Variants in EPB41L4B observed in about 807,000 individuals in gnomAD.
EPB41L4B encodes band 4.1-like protein 4B.
EPB41L4B carries 30 observed loss-of-function variants against 112.5 expected under a neutral mutation model. That is an observed-to-expected ratio of 0.27 (90% CI 0.20 to 0.36). The LOEUF (loss-of-function observed/expected upper bound fraction) is 0.36, where lower values mean the gene tolerates loss of function less well. Among genes scored for constraint, EPB41L4B ranks in the 10% least tolerant of loss-of-function variants. EPB41L4B has a pLI of 1.00. For missense variants in EPB41L4B, 1,024 were observed against 1,133.3 expected (o/e 0.90, Z 1.38); for synonymous variants, 408 against 439.7 (o/e 0.93, Z 0.90).
At chr9:109,293,892 G>C (rs1386267500) in intron 1 of EPB41L4B, among the ~76,000 whole-genome samples, 1 of 152,084 alleles carries the variant, frequency 6.6e-6, no homozygotes, top group East Asian at 1.9e-4. Context: ...GAACTTAAGA[G>C]ACATATCTAC....
At chr9:109,179,487 G>C (rs1483281258) in intron 24 of EPB41L4B, among the ~76,000 whole-genome samples, 2 of 152,168 alleles carry the variant, frequency 1.3e-5, no homozygotes, top group Non-Finnish European at 2.9e-5. Flanking sequence ...CCATCTACCT[G>C]TCACTGCCTC....
chr9:109,241,258 C>A, intron 15 of EPB41L4B: 2 of 995,166 alleles, frequency 2.0e-6, no homozygotes, highest in Non-Finnish European at 2.4e-6. Context: ...CCAGGCCACA[C>A]TAGGGAAACT....
At chr9:109,189,690 G>A (rs1250089655) in intron 22 of EPB41L4B, among the ~76,000 whole-genome samples, 1 of 151,524 alleles carries the variant, frequency 6.6e-6, no homozygotes, top group Non-Finnish European at 1.5e-5. Context: ...ATGCAATGGC[G>A]CGATCTCGGC....
intron 15 of EPB41L4B, among the ~76,000 whole-genome samples, chr9:109,225,522 G>C (rs750379952): frequency 2.8e-4 from 42 of 152,270 alleles, no homozygotes; most frequent in Middle Eastern, 3.4e-3. Flanking sequence ...TAAAACCATC[G>C]AATCTCATGA....
chr9:109,182,688 C>A (rs1832109037), intron 24 of EPB41L4B, 41 bp downstream of exon 24: 1 of 1,480,082 alleles, frequency 6.8e-7, no homozygotes, highest in South Asian at 1.1e-5. Context: ...CGCATGGGAA[C>A]AAGGGTTTAA....
chr9:109,309,989 G>C (rs1433654653), intron 1 of EPB41L4B, among the ~76,000 whole-genome samples: 3 of 152,078 alleles, frequency 2.0e-5, no homozygotes, highest in Admixed American at 6.6e-5. Context: ...AAAGGGCCCC[G>C]CCCACTCTTC....
At position 109,244,434 on chromosome 9, in the gene EPB41L4B, CT is replaced by C. The variant is rs573807379; in HGVS notation, c.1345-753del. ...GAGAAGGAAGGAGGTTGAAGGTTGT[CT>C]TTTTTTTTTTTTTTTTTTTTTTTTT... On this transcript the variant is annotated intron_variant, in intron 14 of 25. Coordinates refer to ENST00000374566, the MANE Select transcript of EPB41L4B (RefSeq NM_019114.5). Among the ~76,000 whole-genome samples, 185 of 48,504 alleles carry C rather than the reference CT, an allele frequency of 3.8e-3. 2 individuals carry two copies. The highest frequency in any genetic ancestry group is 4.7e-3 in the Non-Finnish European group (141 of 29,920). 31.8% of individuals were successfully genotyped at this position (48,504 alleles called of 152,430 possible).
At chr9:109,197,830 A>AC (rs1006644152) in intron 20 of EPB41L4B, among the ~76,000 whole-genome samples, 6 of 151,676 alleles carry the variant, frequency 4.0e-5, no homozygotes, top group South Asian at 2.1e-4. Context: ...AAAAAAAAAA[A>AC]AAAACAAAAA....
chr9:109,259,799 G>C (rs1471294211), intron 6 of EPB41L4B, among the ~76,000 whole-genome samples: 1 of 152,162 alleles, frequency 6.6e-6, no homozygotes, highest in African/African-American at 2.4e-5. Context: ...CAGCCTCCCT[G>C]CAGGGCCACT....
intron 20 of EPB41L4B, among the ~76,000 whole-genome samples, chr9:109,199,497 C>T (rs761113146): frequency 5.9e-5 from 9 of 151,918 alleles, no homozygotes; most frequent in South Asian, 2.1e-4. Flanking sequence ...GGTGAAACCC[C>T]GTCTCTACCA....
At chr9:109,220,783 G>A (rs1833546868) in intron 15 of EPB41L4B, among the ~76,000 whole-genome samples, 1 of 150,416 alleles carries the variant, frequency 6.6e-6, no homozygotes, top group Non-Finnish European at 1.5e-5. Flanking sequence ...GTGAGCATAT[G>A]TGTGTGTGCG....
At chr9:109,316,655 T>C (rs140640490) in intron 1 of EPB41L4B, among the ~76,000 whole-genome samples, 1 of 152,196 alleles carries the variant, frequency 6.6e-6, no homozygotes, top group African/African-American at 2.4e-5. Context: ...GGCACTCTGG[T>C]TGGTAGGGCG....
At chr9:109,226,741 A>ATATATATATGAAG (rs1491427950) in intron 15 of EPB41L4B, among the ~76,000 whole-genome samples, 70 of 101,556 alleles carry the variant, frequency 6.9e-4, no homozygotes, top group Non-Finnish European at 1.2e-3. Flanking sequence ...TATATGAAGA[A>ATATATATATGAAG]TATATATATG....
intron 15 of EPB41L4B, among the ~76,000 whole-genome samples, chr9:109,232,432 T>C (rs1311236526): frequency 6.6e-5 from 10 of 152,104 alleles, no homozygotes; most frequent in Admixed American, 6.5e-4. Context: ...CAAACAGTGT[T>C]ATATGAGAGA....
chr9:109,319,934 G>C (rs1327368366), intron 1 of EPB41L4B, among the ~76,000 whole-genome samples: 2 of 152,172 alleles, frequency 1.3e-5, no homozygotes, highest in Admixed American at 6.5e-5. Context: ...GCCAAGGAGG[G>C]GGCACGGGCC....
At position 109,255,667 on chromosome 9, in the gene EPB41L4B, T is replaced by G. The variant is rs1834952704; in HGVS notation, c.1013A>C (p.Glu338Ala). The change falls in exon 11 of 26, where the codon GAG becomes GCG. Residue 338 changes from glutamate (E) to alanine (A), a missense_variant. By Grantham distance (107) the Glu-to-Ala change is moderately radical (BLOSUM62 -1). Transcript: ENST00000374566. The stretch of plus-strand genomic sequence containing the variant: ...GTCTAACCGGAACACAAACGTGTGC[T>G]CTTGCTCACGTCCCTTAAAGAGGAA... ...VEDDDQGREQEHTFVFRLDSA... is the reference protein window; with the variant it reads ...VEDDDQGREQAHTFVFRLDSA... 2 of 1,612,782 alleles carry G rather than the reference T, an allele frequency of 1.2e-6. No individual in the cohort carries two copies. The highest frequency in any genetic ancestry group is 4.5e-5 in the East Asian group (2 of 44,854).
intron 13 of EPB41L4B, among the ~76,000 whole-genome samples, chr9:109,250,412 A>G (rs958331323): frequency 2.6e-5 from 4 of 152,150 alleles, no homozygotes; most frequent in Admixed American, 2.0e-4. Flanking sequence ...TGCCCATCTC[A>G]AAGACCACCC....
intron 5 of EPB41L4B, among the ~76,000 whole-genome samples, chr9:109,263,985 T>C (rs560201685): frequency 1.3e-5 from 2 of 152,020 alleles, no homozygotes; most frequent in African/African-American, 2.4e-5. Context: ...CCGAAGACAA[T>C]TTCTAGAGTT....
At chr9:109,218,483 T>C (rs1833465423) in intron 15 of EPB41L4B, among the ~76,000 whole-genome samples, 1 of 152,132 alleles carries the variant, frequency 6.6e-6, no homozygotes, top group Non-Finnish European at 1.5e-5. Context: ...ATCTGGTGAA[T>C]ACCACGAACC....
Sources: allele counts gnomAD v4.1 joint callset (sites outside exome capture counted in the v4.1 genomes callset), GRCh38; gene constraint gnomAD v4.1.1; transcripts MANE v1.5; gene names NCBI Gene and HGNC (gene_info 2026-07-23, HGNC 2026-07-21).